The following CCNT1 variants were observed in gnomAD, a reference collection of about 807,000 sequenced individuals.
CCNT1 encodes the protein cyclin T1.
A neutral mutation model predicts 67.3 loss-of-function variants in CCNT1; 18 were observed. The ratio of observed to expected loss-of-function variants is 0.27; its 90% CI spans 0.18 to 0.40. The LOEUF (loss-of-function observed/expected upper bound fraction) is 0.40. Ranked by LOEUF, CCNT1 falls within the 10% of genes least tolerant of loss-of-function variation. CCNT1 has a pLI of 1.00. For synonymous variants in CCNT1, 333 were observed against 310.3 expected (o/e 1.07, Z -0.77); for missense variants, 744 against 884.9 (o/e 0.84, Z 2.02).
chr12:48,700,957 A>C, intron 4 of CCNT1, 56 bp downstream of exon 4: 1 of 1,080,588 alleles, frequency 9.3e-7, no homozygotes. Context: ...AATTTTTAGA[A>C]TCAAATCATT....
At chr12:48,712,580 A>T (rs113145846) in intron 2 of CCNT1, among the ~76,000 whole-genome samples, 21,757 of 53,264 alleles carry the variant, frequency 0.41, 2,652 homozygotes, top group Non-Finnish European at 0.5. Flanking sequence ...TCTTTTCCTT[A>T]AAAAAAAAAA....
Position 48,706,467 on chromosome 12 carries a change from T to C in CCNT1, c.244-571A>G, listed in dbSNP as rs551225010. Among the ~76,000 whole-genome samples, 4 of 152,320 alleles carry C rather than the reference T, an allele frequency of 2.6e-5. No individual in the cohort carries two copies. In the South Asian group the frequency reaches 6.2e-4, roughly 24 times the overall value. On this transcript the variant is annotated intron_variant, in intron 2 of 8. Coordinates refer to ENST00000261900, the MANE Select transcript of CCNT1 (RefSeq NM_001240.4). ...ACGTGAATTATATCTCAATTACTTA[T>C]ACATATCGAACCTTTCAAAAATACA...
At position 48,716,643 on chromosome 12, in the gene CCNT1, C is replaced by G; in HGVS notation, c.33G>C (p.Arg11=). 6.2e-7 allele frequency: 1 copy of G among 1,614,222 alleles called. No individual in the cohort carries two copies. Among genetic ancestry groups the G allele is most frequent in the East Asian group, 2.2e-5 (1 of 44,884 alleles). The change falls in exon 1 of 9, where the codon CGG becomes CGC. Residue 11 remains arginine, a synonymous_variant. Transcript: ENST00000261900. ...CCAGCTGTTCTCGAGTGAAATACCA[C>G]CGTTTGTTGTTGTTCTTCCTCTCTC... MEGERKNNNK[R]WYFTREQLEN...
intron 3 of CCNT1, among the ~76,000 whole-genome samples, 190 bp from the exon 4 acceptor site, chr12:48,701,263 T>TCAC (rs59866275): frequency 0.27 from 35,980 of 131,732 alleles, 6,140 homozygotes; most frequent in East Asian, 0.76. Flanking sequence ...TCTCCCTCTG[T>TCAC]CACCCAGGCT....
intron 2 of CCNT1, among the ~76,000 whole-genome samples, chr12:48,712,595 TAAAA>T (rs759919820): frequency 3.0e-5 from 1 of 33,362 alleles, no homozygotes; most frequent in Non-Finnish European, 4.8e-5. Flanking sequence ...AAAAAAAAAA[TAAAA>T]AAAAAAAAAA....
At chr12:48,714,581 C>T in intron 1 of CCNT1, 57 bp from the exon 2 acceptor site, 1 of 982,210 alleles carries the variant, frequency 1.0e-6, no homozygotes, top group Non-Finnish European at 1.6e-6. Context: ...GAAAAGATAA[C>T]CTCTATCTCC....
chr12:48,694,223 C>A lies in CCNT1; in HGVS notation c.991G>T (p.Gly331Cys). The part of the protein sequence containing the change: ...SNLTSVEMLP[G>C]KRWLSSQPSF... Reference sequence around the variant, plus strand: ...GGTTGGGAGGACAGCCAACGCTTGCCCGGCAACATCTCCACACTGGTTAAG... The same window carrying A: ...GGTTGGGAGGACAGCCAACGCTTGCACGGCAACATCTCCACACTGGTTAAG... The change falls in exon 9 of 9, where the codon GGC becomes TGC. Residue 331 changes from glycine to cysteine, a missense_variant. Transcript: ENST00000261900. 1 of 1,614,156 alleles carries A rather than the reference C, an allele frequency of 6.2e-7. No homozygotes were observed. Among genetic ancestry groups the A allele is most frequent in the Non-Finnish European group, 8.5e-7 (1 of 1,180,040 alleles).
At chr12:48,696,587 C>T (rs1940172574) in intron 6 of CCNT1, among the ~76,000 whole-genome samples, 1 of 152,052 alleles carries the variant, frequency 6.6e-6, no homozygotes, top group African/African-American at 2.4e-5. Context: ...CTGTGTAATC[C>T]GTAAATCAAA....
chr12:48,693,123 T>G lies in CCNT1; in HGVS notation c.2091A>C (p.Gly697=). 2 of 1,614,166 alleles carry G rather than the reference T, an allele frequency of 1.2e-6. No individual in the cohort carries two copies. Among genetic ancestry groups the G allele is most frequent in the Non-Finnish European group, 1.7e-6 (2 of 1,180,000 alleles). Residue 697 remains glycine (G), a synonymous_variant, in exon 9 of 9, where the codon GGA becomes GGC. Transcript: ENST00000261900. The part of the protein sequence containing the change: ...YSDYLNPRSG[G]ISSRSGNTDK... ...CTGTATTGCCAGATCTCGAGGAGAT[T>G]CCACCAGACCGAGGATTCAGATAGT...
At chr12:48,705,402 G>A (rs1940340239) in intron 3 of CCNT1, among the ~76,000 whole-genome samples, 1 of 151,794 alleles carries the variant, frequency 6.6e-6, no homozygotes, top group Non-Finnish European at 1.5e-5. Flanking sequence ...AAAGTGCTGG[G>A]ATTACAGGCA....
chr12:48,704,730 A>C (rs894854887), intron 3 of CCNT1, among the ~76,000 whole-genome samples: 41 of 152,142 alleles, frequency 2.7e-4, no homozygotes, highest in Non-Finnish European at 4.6e-4. Flanking sequence ...AATCGCTTGA[A>C]ACCGGCAGGT....
intron 3 of CCNT1, among the ~76,000 whole-genome samples, chr12:48,703,866 C>T (rs1320258734): frequency 2.0e-5 from 3 of 150,290 alleles, no homozygotes; most frequent in Non-Finnish European, 4.4e-5. Flanking sequence ...GTCAAGGCCG[C>T]GGTGAGCCAT....
chr12:48,716,295 C>A (rs1940531212), intron 1 of CCNT1, among the ~76,000 whole-genome samples: 1 of 152,256 alleles, frequency 6.6e-6, no homozygotes, highest in African/African-American at 2.4e-5. Flanking sequence ...GAATTCCCAG[C>A]AAGGCTGGCG....
At chr12:48,706,035 C>G in intron 2 of CCNT1, 139 bp from the exon 3 acceptor site, 1 of 666,726 alleles carries the variant, frequency 1.5e-6, no homozygotes, top group Non-Finnish European at 2.4e-6. Context: ...TTCCCGCCCC[C>G]CCGCTTCTAC....
At chr12:48,706,674 G>A (rs1364452921) in intron 2 of CCNT1, among the ~76,000 whole-genome samples, 1 of 152,106 alleles carries the variant, frequency 6.6e-6, no homozygotes, top group East Asian at 1.9e-4. Flanking sequence ...ACATTTCAGT[G>A]ACTCAAAGAT....
rs1940538329 is a variant in CCNT1, at chr12:48,716,644, C to A, written c.32G>T (p.Arg11Leu). The A allele has an allele frequency of 6.2e-7, 1 of 1,614,096 alleles. No individual in the cohort carries two copies. The highest frequency in any genetic ancestry group is 1.7e-5 in the Admixed American group (1 of 60,012). ...CAGCTGTTCTCGAGTGAAATACCAC[C>A]GTTTGTTGTTGTTCTTCCTCTCTCC... MEGERKNNNK[R>L]WYFTREQLEN... is the part of the protein sequence containing the mutation. The change falls in exon 1 of 9, where the codon CGG (arginine) becomes CTG (leucine). Residue 11 changes from arginine to leucine, a missense_variant. By Grantham distance (102) the Arg-to-Leu change is moderately radical (BLOSUM62 -2). Around this residue, in one of 3 missense-constraint regions of CCNT1, gnomAD observed 38 missense variants for 33.7 expected, o/e 1.13. Transcript: ENST00000261900.
At chr12:48,697,160 CTG>C (rs1940182003) in intron 6 of CCNT1, among the ~76,000 whole-genome samples, 1 of 152,064 alleles carries the variant, frequency 6.6e-6, no homozygotes, top group South Asian at 2.1e-4. Flanking sequence ...AGGAAAAAGA[CTG>C]AAACTCTTAA....
chr12:48,711,324 G>A (rs1252346970), intron 2 of CCNT1, among the ~76,000 whole-genome samples: 1 of 151,736 alleles, frequency 6.6e-6, no homozygotes, highest in African/African-American at 2.4e-5. Context: ...AGGTTGCAGT[G>A]AGCTCAGATG....
chr12:48,697,984 GA>G, intron 6 of CCNT1, 153 bp downstream of exon 6: 1 of 494,374 alleles, frequency 2.0e-6, no homozygotes, highest in Non-Finnish European at 3.6e-6. Flanking sequence ...CATAACCTTA[GA>G]AAATTAAAAA....
Sources: gnomAD v4.1 joint callset for allele counts (sites outside exome capture counted in the v4.1 genomes callset) on GRCh38, gnomAD v4.1.1 for gene constraint, gnomAD v4.1.1 regional missense constraint, MANE v1.5 for transcripts, NCBI Gene and HGNC (gene_info 2026-07-23, HGNC 2026-07-21) for gene names.